TMEFF2: variants seen among roughly 807,000 people sequenced by gnomAD.
TMEFF2 encodes transmembrane protein with EGF like and two follistatin like domains 2.
Under a neutral mutation model 53.8 loss-of-function variants are expected in TMEFF2, and 28 were observed. The ratio of observed to expected loss-of-function variants is 0.52; its 90% CI spans 0.39 to 0.71. The LOEUF (loss-of-function observed/expected upper bound fraction) is 0.71, where lower values mean the gene tolerates loss of function less well. Ranked by LOEUF, TMEFF2 falls within the 30% of genes least tolerant of loss-of-function variation. The probability of loss-of-function intolerance (pLI) is 0.00; values close to 1 mark genes in which losing one functional copy is unlikely to be tolerated. For missense variants in TMEFF2, 353 were observed against 455.2 expected (o/e 0.78, Z 2.04); for synonymous variants, 162 against 166.3 (o/e 0.97, Z 0.20).
intron 5 of TMEFF2, among the ~76,000 whole-genome samples, chr2:192,024,650 T>C (rs1021231364): frequency 6.6e-6 from 1 of 152,168 alleles, no homozygotes; most frequent in African/African-American, 2.4e-5. Context: ...TTCATGAGAG[T>C]TTTTCCCCAT....
chr2:192,180,831 C>T (rs1691168776), intron 3 of TMEFF2, among the ~76,000 whole-genome samples: 1 of 151,676 alleles, frequency 6.6e-6, no homozygotes, highest in African/African-American at 2.4e-5. Flanking sequence ...CATGTATTGG[C>T]ATTAGCAGTA....
At chr2:192,056,967 T>A (rs909474382) in intron 5 of TMEFF2, among the ~76,000 whole-genome samples, 19 of 152,216 alleles carry the variant, frequency 1.2e-4, no homozygotes, top group African/African-American at 4.3e-4. Context: ...TTCTTTTGTT[T>A]ATAAGCTACC....
chr2:192,131,301 A>G (rs28788851), intron 4 of TMEFF2, among the ~76,000 whole-genome samples: 1,085 of 18,988 alleles, frequency 0.057, no homozygotes, highest in Middle Eastern at 0.15. Flanking sequence ...TGGGGAAGGG[A>G]CAAGTACCCC....
Position 191,950,016 on chromosome 2 carries a change from ATT to A in TMEFF2, c.*293_*294del. On this transcript the variant is annotated 3_prime_UTR_variant, in exon 10 of 10. Transcript: ENST00000272771. Reference sequence around the variant, plus strand: ...AGATACCGCAAATTTAAGAATGCCAATTTTTTCTCATCACTGAGTATTTATTA... The same window carrying A: ...AGATACCGCAAATTTAAGAATGCCAATTTTCTCATCACTGAGTATTTATTA... The A allele has an allele frequency of 9.0e-7, 1 of 1,116,708 alleles. No individual in the cohort carries two copies. The highest frequency in any genetic ancestry group is 1.1e-6 in the Non-Finnish European group (1 of 908,210). The allele number at this position is 1,116,708 out of a possible 1,614,324, so 69.2% of individuals were successfully genotyped here. A position where few individuals can be genotyped will look rare whatever the true frequency, so the allele number is the denominator to read the frequency against.
intron 5 of TMEFF2, chr2:192,031,501 T>C (rs1170925518): frequency 2.6e-5 from 4 of 152,242 alleles, no homozygotes; most frequent in African/African-American, 7.2e-5. Flanking sequence ...TGTAATTGAA[T>C]GCTGAATTCA....
intron 4 of TMEFF2, among the ~76,000 whole-genome samples, chr2:192,087,684 T>C (rs1307488779): frequency 6.6e-6 from 1 of 152,222 alleles, no homozygotes; most frequent in East Asian, 1.9e-4. Context: ...GACTCAAGAT[T>C]ATATTATAAA....
At chr2:192,186,753 G>A (rs763640085) in intron 2 of TMEFF2, among the ~76,000 whole-genome samples, 1 of 152,020 alleles carries the variant, frequency 6.6e-6, no homozygotes, top group African/African-American at 2.4e-5. Flanking sequence ...ATTTGGGTCC[G>A]TGTTTTCTTC....
At chr2:192,076,190 G>T (rs1473071523) in intron 4 of TMEFF2, among the ~76,000 whole-genome samples, 1 of 151,896 alleles carries the variant, frequency 6.6e-6, no homozygotes, top group East Asian at 1.9e-4. Flanking sequence ...AGTATTTATA[G>T]GTATATATTT....
intron 4 of TMEFF2, among the ~76,000 whole-genome samples, chr2:192,062,466 G>A (rs1352126471): frequency 1.3e-5 from 2 of 152,126 alleles, no homozygotes; most frequent in African/African-American, 4.8e-5. Context: ...GAATAAAGCT[G>A]CTGTACAAAT....
chr2:192,157,348 C>T (rs1690529361), intron 4 of TMEFF2, among the ~76,000 whole-genome samples: 1 of 151,860 alleles, frequency 6.6e-6, no homozygotes, highest in African/African-American at 2.4e-5. Flanking sequence ...GTTTTCTCAT[C>T]TGTAAAATAG....
chr2:191,950,566 T>C, intron 9 of TMEFF2, 159 bp from the exon 10 acceptor site: 2 of 1,132,556 alleles, frequency 1.8e-6, no homozygotes, highest in South Asian at 2.7e-5. Context: ...GGAAAAGTTA[T>C]TATTTTGCTT....
At chr2:192,071,749 T>C (rs1429854362) in intron 4 of TMEFF2, among the ~76,000 whole-genome samples, 1 of 151,912 alleles carries the variant, frequency 6.6e-6, no homozygotes, top group African/African-American at 2.4e-5. Context: ...ATCCTTATAC[T>C]GTATTTAGGG....
chr2:192,154,451 T>C (rs1015625420), intron 4 of TMEFF2, among the ~76,000 whole-genome samples: 3 of 151,996 alleles, frequency 2.0e-5, no homozygotes, highest in African/African-American at 4.8e-5. Context: ...ATGACTGGCA[T>C]TCACTCCTCA....
At chr2:191,993,603 T>C (rs1686156382) in intron 7 of TMEFF2, among the ~76,000 whole-genome samples, 5 of 151,998 alleles carry the variant, frequency 3.3e-5, no homozygotes. Flanking sequence ...CTGTTCAACC[T>C]ATGTATCCAT....
intron 4 of TMEFF2, among the ~76,000 whole-genome samples, chr2:192,123,464 A>C (rs1386744133): frequency 6.6e-6 from 1 of 152,212 alleles, no homozygotes; most frequent in Non-Finnish European, 1.5e-5. Context: ...TGTAATGTGT[A>C]CATAGAATTG....
chr2:192,074,962 A>G, intron 4 of TMEFF2, among the ~76,000 whole-genome samples: 1 of 151,470 alleles, frequency 6.6e-6, no homozygotes, highest in African/African-American at 2.4e-5. Flanking sequence ...TTTTGTATAT[A>G]TTTCTCTTGA....
At chr2:192,009,440 A>AT (rs1686575480) in intron 5 of TMEFF2, among the ~76,000 whole-genome samples, 2 of 152,142 alleles carry the variant, frequency 1.3e-5, no homozygotes, top group East Asian at 3.9e-4. Context: ...TTATTTCCCA[A>AT]TTGATGTTTG....
At chr2:192,074,810 C>A (rs1688369036) in intron 4 of TMEFF2, among the ~76,000 whole-genome samples, 1 of 151,710 alleles carries the variant, frequency 6.6e-6, no homozygotes, top group South Asian at 2.1e-4. Context: ...ATCAATCTTC[C>A]CAATTCAGGG....
intron 4 of TMEFF2, among the ~76,000 whole-genome samples, chr2:192,099,948 T>G (rs1158076145): frequency 2.0e-5 from 3 of 152,114 alleles, no homozygotes; most frequent in African/African-American, 7.2e-5. Context: ...TCACCCCATA[T>G]CTTGGCCAGA....
Sources: allele counts gnomAD v4.1 joint callset (sites outside exome capture counted in the v4.1 genomes callset), GRCh38; gene constraint gnomAD v4.1.1; transcripts MANE v1.5; gene names NCBI Gene and HGNC (gene_info 2026-07-23, HGNC 2026-07-21).